The following STAG1 variants were observed in gnomAD, a reference collection of about 807,000 sequenced individuals.
The protein encoded by STAG1 is cohesin subunit SA-1.
STAG1 carries 26 observed loss-of-function variants against 170.9 expected under a neutral mutation model. That is an observed-to-expected ratio of 0.15 (90% CI 0.11 to 0.21). STAG1 has a LOEUF of 0.21. STAG1 is among the 10% of genes least tolerant of loss of function. The pLI is 1.00. For synonymous variants in STAG1, 514 were observed against 497.7 expected, an observed-to-expected ratio of 1.03 and a Z score of -0.44; for missense variants, 964 against 1,509.5, an observed-to-expected ratio of 0.64 and a Z score of 5.99.
chr3:136,388,837 T>C (rs2086933201), intron 22 of STAG1, among the ~76,000 whole-genome samples: 1 of 152,246 alleles, frequency 6.6e-6, no homozygotes, highest in African/African-American at 2.4e-5. Flanking sequence ...ACCCATTTCT[T>C]TTTTACTCAA....
intron 1 of STAG1, among the ~76,000 whole-genome samples, chr3:136,650,832 G>C (rs1941192832): frequency 6.6e-6 from 1 of 151,824 alleles, no homozygotes; most frequent in Non-Finnish European, 1.5e-5. Flanking sequence ...TGGTAGCCCT[G>C]AGCAGTTCAA....
At chr3:136,540,659 T>C (rs139983343) in intron 6 of STAG1, among the ~76,000 whole-genome samples, 156 of 151,618 alleles carry the variant, frequency 1.0e-3, no homozygotes, top group African/African-American at 3.3e-3. Context: ...CTGTCTCTAC[T>C]AGTAATACAA....
chr3:136,524,111 G>GT (rs775524472), intron 6 of STAG1, among the ~76,000 whole-genome samples: 6 of 152,140 alleles, frequency 3.9e-5, no homozygotes, highest in Non-Finnish European at 8.8e-5. Context: ...CTTTAAAGTA[G>GT]TTTTTTCCAC....
At chr3:136,714,933 TATTAAA>T (rs1943479979) in intron 1 of STAG1, among the ~76,000 whole-genome samples, 1 of 72,548 alleles carries the variant, frequency 1.4e-5, no homozygotes, top group African/African-American at 7.1e-5. Flanking sequence ...CAAATATATA[TATTAAA>T]TATATATATA....
intron 20 of STAG1, among the ~76,000 whole-genome samples, chr3:136,418,658 A>T (rs558348266): frequency 0.012 from 1,770 of 147,470 alleles, 17 homozygotes; most frequent in Non-Finnish European, 0.019. Context: ...TTTTTTTTTT[A>T]AAAGACAGGG....
chr3:136,342,737 G>A (rs922814582), intron 30 of STAG1, among the ~76,000 whole-genome samples: 1 of 152,200 alleles, frequency 6.6e-6, no homozygotes, highest in Admixed American at 6.5e-5. Context: ...ATCATGTGGG[G>A]CCACCACCTT....
At chr3:136,646,600 T>C (rs992010547) in intron 1 of STAG1, among the ~76,000 whole-genome samples, 21 of 152,198 alleles carry the variant, frequency 1.4e-4, no homozygotes, top group African/African-American at 5.1e-4. Context: ...TAGTGTTCCA[T>C]AGCACTATAA....
chr3:136,481,019 C>G (rs1021050310), intron 9 of STAG1, among the ~76,000 whole-genome samples: 2 of 122,750 alleles, frequency 1.6e-5, no homozygotes, highest in Non-Finnish European at 3.4e-5. Context: ...ATCATGTCGT[C>G]TGCAAACAGG....
chr3:136,524,517 A>C (rs534275050), intron 6 of STAG1, among the ~76,000 whole-genome samples: 67 of 152,226 alleles, frequency 4.4e-4, no homozygotes, highest in South Asian at 8.3e-4. Flanking sequence ...GGGTTTTCTA[A>C]ATATACAATC....
At chr3:136,370,042 A>C (rs1937238691) in intron 23 of STAG1, among the ~76,000 whole-genome samples, 1 of 144,596 alleles carries the variant, frequency 6.9e-6, no homozygotes, top group African/African-American at 2.5e-5. Context: ...TTACTGGCGT[A>C]TGTATTTACT....
At chr3:136,373,902 T>A (rs1461069505) in intron 23 of STAG1, among the ~76,000 whole-genome samples, 1 of 152,160 alleles carries the variant, frequency 6.6e-6, no homozygotes, top group Non-Finnish European at 1.5e-5. Flanking sequence ...ATATCCTTTT[T>A]AACTTTCTGT....
At chr3:136,424,902 C>T (rs1037282928) in intron 16 of STAG1, among the ~76,000 whole-genome samples, 9 of 152,068 alleles carry the variant, frequency 5.9e-5, no homozygotes, top group African/African-American at 1.7e-4. Flanking sequence ...TGCAGTGGTG[C>T]AATCTCGGCT....
intron 22 of STAG1, among the ~76,000 whole-genome samples, chr3:136,381,025 A>G (rs1219668185): frequency 6.8e-6 from 1 of 147,106 alleles, no homozygotes; most frequent in Non-Finnish European, 1.5e-5. Context: ...CCCTGTCTCG[A>G]AAAAAAAAAA....
chr3:136,635,219 A>C (rs905803171), intron 1 of STAG1, among the ~76,000 whole-genome samples: 5 of 152,330 alleles, frequency 3.3e-5, no homozygotes, highest in Middle Eastern at 3.4e-3. Flanking sequence ...AAAATCCTCA[A>C]CAGAAACATC....
chr3:136,524,390 T>C (rs976038686), intron 6 of STAG1, among the ~76,000 whole-genome samples: 16 of 152,018 alleles, frequency 1.1e-4, no homozygotes, highest in Admixed American at 2.0e-4. Flanking sequence ...GATTTGGCTC[T>C]CTGTTTGTCT....
chr3:136,689,269 T>C lies in STAG1; in HGVS notation c.-83-58288A>G, dbSNP rs147316945. ...AGGAGGTAACTGGATAAAATTCAAT[T>C]GCCAAACCTAGAATGGCTTATTACA... On this transcript the variant is annotated intron_variant, in intron 1 of 33. Transcript: ENST00000383202. Among the ~76,000 whole-genome samples the C allele has an allele frequency of 1.1e-4, 16 of 152,318 alleles. No individual in the cohort carries two copies. The East Asian group carries it at 3.1e-3, about 29-fold the overall frequency.
intron 21 of STAG1, among the ~76,000 whole-genome samples, chr3:136,403,004 G>T (rs2087373781): frequency 6.6e-6 from 1 of 151,628 alleles, no homozygotes; most frequent in Non-Finnish European, 1.5e-5. Flanking sequence ...GAGGTGAGTG[G>T]ATCACCTGAG....
rs1023455677 is a variant in STAG1 at position 136,611,778 on chromosome 3, C to T, written c.133-7305G>A. Among the ~76,000 whole-genome samples the T allele has an allele frequency of 2.8e-4, 42 of 147,656 alleles. 1 individual carries two copies. The highest frequency in any genetic ancestry group is 1.0e-3 in the African/African-American group (41 of 40,126). ...CCTCACCTCCCAAATGCTGGGATTA[C>T]AGGGGTAAGCCACTGCATCTCGCCT... On this transcript the variant is annotated intron_variant, in intron 3 of 33. Transcript: ENST00000383202.
intron 1 of STAG1, among the ~76,000 whole-genome samples, chr3:136,706,018 C>T (rs1322770904): frequency 6.6e-6 from 1 of 151,802 alleles, no homozygotes; most frequent in African/African-American, 2.4e-5. Context: ...TACCATAAGC[C>T]ATGATCATGC....
Sources: gnomAD v4.1 joint callset for allele counts (sites outside exome capture counted in the v4.1 genomes callset) on GRCh38, gnomAD v4.1.1 for gene constraint, MANE v1.5 for transcripts, NCBI Gene and HGNC (gene_info 2026-07-23, HGNC 2026-07-21) for gene names.